Variants in PID1 observed in about 807,000 individuals in gnomAD.
The protein encoded by PID1 is PTB-containing, cubilin and LRP1-interacting protein.
In PID1, 10 loss-of-function variants were observed where a neutral mutation model predicts 19.1. That is an observed-to-expected ratio of 0.52 (90% CI 0.32 to 0.89). The LOEUF (loss-of-function observed/expected upper bound fraction) is 0.89. Ranked by LOEUF, PID1 falls within the 40% of genes least tolerant of loss-of-function variation. PID1 has a pLI of 0.03. For synonymous variants in PID1, 130 were observed against 116.0 expected (o/e 1.12, Z -0.78); for missense variants, 248 against 285.3 (o/e 0.87, Z 0.94).
chr2:229,118,489 G>A (rs17676106), intron 2 of PID1, among the ~76,000 whole-genome samples: 20,991 of 152,148 alleles, frequency 0.14, 1,819 homozygotes, highest in South Asian at 0.26. Context: ...GACTACACGT[G>A]AGTCATTTAA....
chr2:229,045,298 G>A (rs1225384083), intron 2 of PID1, among the ~76,000 whole-genome samples: 1 of 152,176 alleles, frequency 6.6e-6, no homozygotes, highest in Non-Finnish European at 1.5e-5. Flanking sequence ...TCTTTTGGAT[G>A]TTGGTCTATT....
chr2:229,237,398 C>T (rs546477375), intron 1 of PID1, among the ~76,000 whole-genome samples: 5 of 152,258 alleles, frequency 3.3e-5, no homozygotes, highest in South Asian at 2.1e-4. Context: ...GTCATTCAAG[C>T]GTATCCCCTA....
chr2:229,175,553 A>G (rs1227023915), intron 1 of PID1, among the ~76,000 whole-genome samples: 2 of 152,256 alleles, frequency 1.3e-5, no homozygotes, highest in Non-Finnish European at 2.9e-5. Flanking sequence ...GACACTGAAT[A>G]CATACTTTAT....
chr2:229,263,817 C>T (rs1179642120), intron 1 of PID1, among the ~76,000 whole-genome samples: 2 of 152,198 alleles, frequency 1.3e-5, no homozygotes, highest in African/African-American at 2.4e-5. Flanking sequence ...ACCCTACAAC[C>T]AGTCTGCTGG....
At chr2:229,184,930 TCCCATATATATATCCTATATATATAA>T (rs1691086937) in intron 1 of PID1, among the ~76,000 whole-genome samples, 2 of 140,570 alleles carry the variant, frequency 1.4e-5, no homozygotes. Flanking sequence ...TACATATGTA[TCCCATATATATATCCTATATATATAA>T]AATCCCATAT....
intron 1 of PID1, chr2:229,232,055 G>C (rs1050177745): frequency 6.5e-7 from 1 of 1,540,246 alleles, no homozygotes; most frequent in African/African-American, 1.4e-5. Context: ...GGCTGAACAT[G>C]GCACGAAGCC....
At chr2:229,088,457 AAAAG>A (rs1221869684) in intron 2 of PID1, among the ~76,000 whole-genome samples, 1 of 152,186 alleles carries the variant, frequency 6.6e-6, no homozygotes, top group Non-Finnish European at 1.5e-5. Flanking sequence ...GGAAGCGAGG[AAAAG>A]AAAGAAAGTG....
chr2:229,104,289 T>C (rs2106231160), intron 2 of PID1, among the ~76,000 whole-genome samples: 1 of 152,312 alleles, frequency 6.6e-6, no homozygotes, highest in East Asian at 1.9e-4. Context: ...TGAATTAGCC[T>C]GACAAAGCCA....
chr2:229,215,200 G>A (rs1177712248), intron 1 of PID1, among the ~76,000 whole-genome samples: 1 of 152,160 alleles, frequency 6.6e-6, no homozygotes, highest in African/African-American at 2.4e-5. Context: ...TGGTGGGCAG[G>A]GGAACTCTAA....
At chr2:229,133,257 G>A (rs1290134316) in intron 2 of PID1, among the ~76,000 whole-genome samples, 1 of 152,176 alleles carries the variant, frequency 6.6e-6, no homozygotes, top group African/African-American at 2.4e-5. Flanking sequence ...ACTACTTAAG[G>A]AGATGTGCAA....
intron 2 of PID1, among the ~76,000 whole-genome samples, chr2:229,072,251 A>G (rs1694469814): frequency 6.6e-6 from 1 of 152,228 alleles, no homozygotes; most frequent in Non-Finnish European, 1.5e-5. Flanking sequence ...ACTATCTAAC[A>G]AGTTTTGCTA....
chr2:229,196,310 T>A (rs536965389), intron 1 of PID1, among the ~76,000 whole-genome samples: 1 of 152,168 alleles, frequency 6.6e-6, no homozygotes, highest in East Asian at 1.9e-4. Flanking sequence ...GTTAGCCTTT[T>A]CAAACATATT....
At chr2:229,041,098 G>A (rs929636236) in intron 2 of PID1, among the ~76,000 whole-genome samples, 1 of 152,206 alleles carries the variant, frequency 6.6e-6, no homozygotes, top group East Asian at 1.9e-4. Context: ...AGCACCCTGC[G>A]AGCAGTAATG....
chr2:229,057,091 T>C (rs1559213459), intron 2 of PID1, among the ~76,000 whole-genome samples: 1 of 152,064 alleles, frequency 6.6e-6, no homozygotes, highest in Non-Finnish European at 1.5e-5. Context: ...TATTATAACA[T>C]AAGAAACAAC....
intron 2 of PID1, among the ~76,000 whole-genome samples, chr2:229,114,259 T>C (rs1425310292): frequency 2.6e-5 from 4 of 151,886 alleles, no homozygotes; most frequent in South Asian, 2.1e-4. Flanking sequence ...CTAATATAGT[T>C]ACAAAATTGA....
intron 2 of PID1, among the ~76,000 whole-genome samples, chr2:229,049,875 C>T (rs1209521958): frequency 3.3e-5 from 5 of 152,028 alleles, no homozygotes; most frequent in Non-Finnish European, 7.4e-5. Flanking sequence ...CAGAAGCATC[C>T]AACTCTTTTA....
intron 1 of PID1, among the ~76,000 whole-genome samples, chr2:229,173,581 T>C (rs1437327488): frequency 1.3e-5 from 2 of 152,222 alleles, no homozygotes; most frequent in Non-Finnish European, 2.9e-5. Flanking sequence ...AAGACAGGCA[T>C]GTTTCCTGCC....
intron 2 of PID1, among the ~76,000 whole-genome samples, chr2:229,131,508 A>C (rs1009830613): frequency 2.6e-5 from 4 of 152,158 alleles, no homozygotes; most frequent in African/African-American, 9.7e-5. Context: ...TGGGATTACA[A>C]GTGTGAGCCA....
chr2:229,186,576 G>A (rs1691137491), intron 1 of PID1, among the ~76,000 whole-genome samples: 1 of 152,192 alleles, frequency 6.6e-6, no homozygotes, highest in South Asian at 2.1e-4. Flanking sequence ...AGTCACAGCT[G>A]GAGTGGCTAG....
Sources: allele counts gnomAD v4.1 joint callset (sites outside exome capture counted in the v4.1 genomes callset), GRCh38; gene constraint gnomAD v4.1.1; transcripts MANE v1.5; gene names NCBI Gene and HGNC (gene_info 2026-07-23, HGNC 2026-07-21).